The following SLC24A2 variants were observed in gnomAD, a reference collection of about 807,000 sequenced individuals.
SLC24A2 encodes the protein sodium/potassium/calcium exchanger 2.
In SLC24A2, 36 loss-of-function variants were observed where a neutral mutation model predicts 62.0. That is an observed-to-expected ratio of 0.58 (90% CI 0.44 to 0.77). The LOEUF is 0.77. Among genes scored for constraint, SLC24A2 ranks in the 30% least tolerant of loss-of-function variants. The pLI, the probability that SLC24A2 is intolerant of heterozygous loss-of-function variation, is 0.00. For synonymous variants in SLC24A2, 358 were observed against 294.0 expected (o/e 1.22, Z -2.23); for missense variants, 846 against 817.9 (o/e 1.03, Z -0.42).
chr9:20,019,295 G>GAAAGA, the SLC24A2 span, among the ~76,000 whole-genome samples: 2 of 150,094 alleles, frequency 1.3e-5, no homozygotes, highest in African/African-American at 2.5e-5. Context: ...AAGAAAGAAA[G>GAAAGA]AAAGAAAGAA....
the SLC24A2 span, among the ~76,000 whole-genome samples, chr9:20,074,603 AAAGAAGGGAGTG>A: frequency 2.1e-3 from 76 of 36,224 alleles, 1 homozygote; most frequent in East Asian, 0.012. Flanking sequence ...GGAAGGAAGG[AAAGAAGGGAGTG>A]AGGGAGGGAG....
chr9:19,915,026 C>T, the SLC24A2 span, among the ~76,000 whole-genome samples: 2 of 152,076 alleles, frequency 1.3e-5, no homozygotes, highest in South Asian at 4.1e-4. Flanking sequence ...TTCACAATGT[C>T]GTACAACTGT....
the SLC24A2 span, among the ~76,000 whole-genome samples, chr9:19,803,179 A>G: frequency 6.6e-6 from 1 of 152,216 alleles, no homozygotes; most frequent in Non-Finnish European, 1.5e-5. Context: ...TGTGATATAT[A>G]TGTGTAGTTC....
the SLC24A2 span, among the ~76,000 whole-genome samples, chr9:20,219,649 G>A: frequency 6.6e-6 from 1 of 152,078 alleles, no homozygotes; most frequent in South Asian, 2.1e-4. Context: ...ATGACCGTTG[G>A]CACAGGATAA....
chr9:19,712,712 T>C (rs941020707), intron 2 of SLC24A2, among the ~76,000 whole-genome samples: 2 of 152,164 alleles, frequency 1.3e-5, no homozygotes, highest in African/African-American at 4.8e-5. Flanking sequence ...GCCTGTTGTG[T>C]TTATTTACTT....
intron 2 of SLC24A2, among the ~76,000 whole-genome samples, chr9:19,685,309 C>G (rs1381292160): frequency 6.6e-6 from 1 of 152,080 alleles, no homozygotes; most frequent in African/African-American, 2.4e-5. Context: ...TTGGAAGAAT[C>G]AATATTGTTG....
At chr9:19,712,386 A>T (rs1392281408) in intron 2 of SLC24A2, among the ~76,000 whole-genome samples, 1 of 152,218 alleles carries the variant, frequency 6.6e-6, no homozygotes, top group East Asian at 1.9e-4. Flanking sequence ...ATCATGGTGC[A>T]AGATGGGTTT....
the SLC24A2 span, among the ~76,000 whole-genome samples, chr9:19,801,833 ACT>A: frequency 2.6e-5 from 4 of 151,974 alleles, no homozygotes; most frequent in Admixed American, 6.6e-5. Flanking sequence ...GGAAATAATC[ACT>A]GTTTTTTTTT....
At chr9:19,564,394 G>A (rs1485713309) in intron 7 of SLC24A2, among the ~76,000 whole-genome samples, 1 of 152,134 alleles carries the variant, frequency 6.6e-6, no homozygotes, top group Admixed American at 6.6e-5. Flanking sequence ...ACAGTATGGA[G>A]AAATAAGTCA....
the SLC24A2 span, among the ~76,000 whole-genome samples, chr9:20,143,477 C>T: frequency 2.8e-3 from 430 of 152,274 alleles, 1 homozygote; most frequent in Middle Eastern, 6.8e-3. Context: ...CATGAAAATT[C>T]GACCAGACTA....
At chr9:19,520,804 C>A in intron 10 of SLC24A2, 90 bp downstream of exon 10, 2 of 1,254,958 alleles carry the variant, frequency 1.6e-6, no homozygotes, top group East Asian at 4.6e-5. Flanking sequence ...GTCTTAGGTT[C>A]AGAGATCCTG....
chr9:20,239,999 C>T, the SLC24A2 span, among the ~76,000 whole-genome samples: 11 of 151,956 alleles, frequency 7.2e-5, no homozygotes, highest in Admixed American at 2.6e-4. Flanking sequence ...GGTAACCATC[C>T]GGGAAGCTTA....
the SLC24A2 span, among the ~76,000 whole-genome samples, chr9:19,961,160 A>T: frequency 6.6e-6 from 1 of 151,674 alleles, no homozygotes. Flanking sequence ...AGAGAGAGAG[A>T]GAGAGAAATA....
At chr9:20,033,371 T>C in the SLC24A2 span, among the ~76,000 whole-genome samples, 5 of 152,312 alleles carry the variant, frequency 3.3e-5, no homozygotes, top group African/African-American at 1.2e-4. Flanking sequence ...ATACTTGATA[T>C]GGTACCTAAT....
At chr9:20,029,533 A>T in the SLC24A2 span, among the ~76,000 whole-genome samples, 7 of 152,156 alleles carry the variant, frequency 4.6e-5, no homozygotes, top group Non-Finnish European at 8.8e-5. Context: ...GGGCTGTGAT[A>T]TTCTCACCCC....
intron 2 of SLC24A2, among the ~76,000 whole-genome samples, chr9:19,734,529 T>C (rs1483595178): frequency 5.3e-5 from 8 of 152,160 alleles, no homozygotes; most frequent in Non-Finnish European, 1.2e-4. Context: ...CATGGAATGT[T>C]CTTCCCTTTG....
At chr9:19,564,570 C>CCTAGGAATGTCATTT (rs1353020946) in intron 7 of SLC24A2, among the ~76,000 whole-genome samples, 1 of 151,950 alleles carries the variant, frequency 6.6e-6, no homozygotes, top group African/African-American at 2.4e-5. Flanking sequence ...CAATCACATT[C>CCTAGGAATGTCATTT]CTAGGAATGT....
the SLC24A2 span, among the ~76,000 whole-genome samples, chr9:20,067,012 T>C: frequency 6.6e-6 from 1 of 152,214 alleles, no homozygotes; most frequent in East Asian, 1.9e-4. Context: ...ATAAAAGTGA[T>C]AACAGGAAAA....
At chr9:19,779,968 A>AG (rs1304335516) in intron 2 of SLC24A2, among the ~76,000 whole-genome samples, 1 of 152,088 alleles carries the variant, frequency 6.6e-6, no homozygotes, top group Non-Finnish European at 1.5e-5. Context: ...AGGCTGAGGC[A>AG]GGAGAATGGC....
Sources: gnomAD v4.1 joint callset for allele counts (sites outside exome capture counted in the v4.1 genomes callset) on GRCh38, gnomAD v4.1.1 for gene constraint, MANE v1.5 for transcripts, NCBI Gene and HGNC (gene_info 2026-07-23, HGNC 2026-07-21) for gene names.